MECOM: variants seen among roughly 807,000 people sequenced by gnomAD.
The protein encoded by MECOM is MDS1 and EVI1 complex locus, also known as histone-lysine N-methyltransferase MECOM.
In MECOM, 13 loss-of-function variants were observed where a neutral mutation model predicts 116.3. That is an observed-to-expected ratio of 0.11 (90% CI 0.07 to 0.18). The LOEUF (loss-of-function observed/expected upper bound fraction) is 0.18, where lower values mean the gene tolerates loss of function less well. Ranked by LOEUF, MECOM falls within the 10% of genes least tolerant of loss-of-function variation. The probability of loss-of-function intolerance (pLI) is 1.00; values close to 1 mark genes in which losing one functional copy is unlikely to be tolerated. For synonymous variants in MECOM, 528 were observed against 535.2 expected (o/e 0.99, Z 0.19); for missense variants, 1,299 against 1,509.0 (o/e 0.86, Z 2.31).
At chr3:169,527,435 G>C (rs964993554) in intron 1 of MECOM, among the ~76,000 whole-genome samples, 1 of 152,184 alleles carries the variant, frequency 6.6e-6, no homozygotes, top group African/African-American at 2.4e-5. Flanking sequence ...GGAGTAAAGA[G>C]ATTGATGCAT....
At chr3:169,567,189 A>G (rs1763345278) in intron 1 of MECOM, among the ~76,000 whole-genome samples, 1 of 152,236 alleles carries the variant, frequency 6.6e-6, no homozygotes, top group Admixed American at 6.5e-5. Flanking sequence ...GCCCACAAAC[A>G]CTAACAAAAA....
intron 1 of MECOM, among the ~76,000 whole-genome samples, chr3:169,474,400 C>T (rs1412678628): frequency 6.6e-6 from 1 of 152,144 alleles, no homozygotes; most frequent in African/African-American, 2.4e-5. Context: ...AGATGTCAGT[C>T]TGTACTTACA....
intron 1 of MECOM, among the ~76,000 whole-genome samples, chr3:169,556,581 T>G (rs1266366853): frequency 6.6e-6 from 1 of 152,128 alleles, no homozygotes; most frequent in Non-Finnish European, 1.5e-5. Flanking sequence ...CCCCTCCTAC[T>G]GAGTGTGAGC....
intron 2 of MECOM, among the ~76,000 whole-genome samples, chr3:169,378,514 AAAAGAAAG>A (rs1159428318): frequency 0.02 from 550 of 26,846 alleles, 32 homozygotes; most frequent in South Asian, 0.03. Context: ...AGAAAGAAAG[AAAAGAAAG>A]AAAGAAAGAA....
chr3:169,203,907 T>C (rs1017884094), intron 2 of MECOM, among the ~76,000 whole-genome samples: 1 of 152,206 alleles, frequency 6.6e-6, no homozygotes, highest in South Asian at 2.1e-4. Context: ...CTCATTTCCA[T>C]GTGAATATCT....
intron 1 of MECOM, among the ~76,000 whole-genome samples, chr3:169,506,727 C>A (rs1439645646): frequency 6.6e-6 from 1 of 152,160 alleles, no homozygotes; most frequent in Non-Finnish European, 1.5e-5. Flanking sequence ...CTAACAGCCA[C>A]AGAATGCAGC....
intron 1 of MECOM, among the ~76,000 whole-genome samples, chr3:169,465,717 A>G (rs932942378): frequency 2.0e-5 from 3 of 152,226 alleles, no homozygotes; most frequent in African/African-American, 7.2e-5. Flanking sequence ...TCACCATAAG[A>G]AAATCCTCAT....
At chr3:169,627,353 C>G (rs1472620857) in intron 1 of MECOM, among the ~76,000 whole-genome samples, 1 of 152,210 alleles carries the variant, frequency 6.6e-6, no homozygotes, top group Non-Finnish European at 1.5e-5. Flanking sequence ...TTATACTTCT[C>G]GCTATTCACA....
chr3:169,143,634 T>C, intron 3 of MECOM, 64 bp downstream of exon 3: 1 of 1,439,384 alleles, frequency 6.9e-7, no homozygotes, highest in Non-Finnish European at 9.2e-7. Flanking sequence ...GTTATTTTTA[T>C]TCTTCAGGCT....
chr3:169,590,176 T>G (rs1465485667), intron 1 of MECOM, among the ~76,000 whole-genome samples: 2 of 152,190 alleles, frequency 1.3e-5, no homozygotes, highest in Non-Finnish European at 2.9e-5. Context: ...AGCATTAGTT[T>G]TTACCAATTT....
intron 2 of MECOM, among the ~76,000 whole-genome samples, chr3:169,234,790 T>G (rs1313895981): frequency 6.6e-6 from 1 of 152,232 alleles, no homozygotes; most frequent in Admixed American, 6.5e-5. Context: ...CTTCTTTTTT[T>G]GACAATACCA....
At chr3:169,646,896 G>A (rs187449387) in intron 1 of MECOM, among the ~76,000 whole-genome samples, 45 of 152,168 alleles carry the variant, frequency 3.0e-4, no homozygotes, top group Admixed American at 5.2e-4. Context: ...AAATCATAAC[G>A]TAATAGAAAA....
At chr3:169,109,857 G>A (rs1288274832) in intron 9 of MECOM, among the ~76,000 whole-genome samples, 1 of 152,128 alleles carries the variant, frequency 6.6e-6, no homozygotes, top group Non-Finnish European at 1.5e-5. Context: ...ATTATGGAAT[G>A]GGAAGGAATA....
chr3:169,481,086 A>C (rs1180713711), intron 1 of MECOM, among the ~76,000 whole-genome samples: 1 of 152,172 alleles, frequency 6.6e-6, no homozygotes, highest in Non-Finnish European at 1.5e-5. Context: ...CTGCCCCCCC[A>C]AAAAAGCAAA....
intron 1 of MECOM, among the ~76,000 whole-genome samples, chr3:169,574,806 C>A (rs1317240760): frequency 6.7e-6 from 1 of 150,362 alleles, no homozygotes; most frequent in Admixed American, 6.6e-5. Flanking sequence ...TGCCTTTGGG[C>A]ACTTATTGGC....
rs1032068584 is a variant in MECOM at position 169,466,822 on chromosome 3, T to C, written c.38-85298A>G. On this transcript the variant is annotated intron_variant, in intron 1 of 16. Transcript: ENST00000651503. ...TGGGTTTAAAAAAAGAAAAACTCCA[T>C]ATAAAATTCATCAATCCTAATTATT... Among the ~76,000 whole-genome samples the C allele has an allele frequency of 1.4e-4, 21 of 152,192 alleles. 1 individual carries two copies. The highest frequency in any genetic ancestry group is 5.1e-4 in the African/African-American group (21 of 41,450).
At chr3:169,235,490 C>A (rs1160754583) in intron 2 of MECOM, among the ~76,000 whole-genome samples, 1 of 152,016 alleles carries the variant, frequency 6.6e-6, no homozygotes, top group African/African-American at 2.4e-5. Context: ...TGCATACACA[C>A]ACACACCTCT....
chr3:169,326,276 T>C (rs1415673613), intron 2 of MECOM, among the ~76,000 whole-genome samples: 1 of 152,194 alleles, frequency 6.6e-6, no homozygotes, highest in Non-Finnish European at 1.5e-5. Context: ...ACTCTGGATA[T>C]TCTATTCAAA....
Position 169,269,809 on chromosome 3 carries a change from T to C in MECOM, c.375+111378A>G, listed in dbSNP as rs976213654. The stretch of plus-strand genomic sequence containing the variant: ...AAAGCTAATTATTTTAGTTCTTTGG[T>C]GCTATTTTTAATTACATAAACACCT... On this transcript the variant is annotated intron_variant, in intron 2 of 16. Transcript: ENST00000651503. Among the ~76,000 whole-genome samples the C allele has an allele frequency of 3.9e-5, 6 of 152,226 alleles. No individual in the cohort carries two copies. In the South Asian group the frequency reaches 1.2e-3, roughly 31 times the overall value.
Sources: allele counts gnomAD v4.1 joint callset (sites outside exome capture counted in the v4.1 genomes callset), GRCh38; gene constraint gnomAD v4.1.1; transcripts MANE v1.5; gene names NCBI Gene and HGNC (gene_info 2026-07-23, HGNC 2026-07-21).